Variants in TNRC6A observed in about 807,000 individuals in gnomAD.
TNRC6A encodes trinucleotide repeat-containing gene 6A protein.
TNRC6A carries 44 observed loss-of-function variants against 221.2 expected under a neutral mutation model. The observed-to-expected ratio is 0.20, with a 90% confidence interval of 0.16 to 0.26. The LOEUF is 0.26. Among genes scored for constraint, TNRC6A ranks in the 10% least tolerant of loss-of-function variants. TNRC6A has a pLI of 1.00. For missense variants in TNRC6A, 2,199 were observed against 2,404.4 expected (o/e 0.91, Z 1.79); for synonymous variants, 847 against 838.5 (o/e 1.01, Z -0.18).
At position 24,797,525 on chromosome 16, in the gene TNRC6A, G is replaced by A. The variant is rs150034813; in HGVS notation, c.3597G>A (p.Ala1199=). ...AAGGTGGAAACAAACAAGAAGAAGC[G>A]TGGATAAATCCATTTGTTAAACAGT... ...MMKGGNKQEE[A]WINPFVKQFS... Residue 1199 remains alanine, a synonymous_variant, in exon 10 of 25, where the codon GCG becomes GCA. Transcript: ENST00000395799. 3.7e-5 allele frequency: 59 copies of A among 1,611,438 alleles called. No homozygotes were observed. The highest frequency in any genetic ancestry group is 2.3e-4 in the African/African-American group (17 of 74,828).
chr16:24,658,751 A>G (rs1217975792), intron 2 of TNRC6A, among the ~76,000 whole-genome samples: 1 of 151,506 alleles, frequency 6.6e-6, no homozygotes, highest in East Asian at 1.9e-4. Flanking sequence ...TAACCAACTC[A>G]CCCCAAAGAG....
Position 24,793,544 on chromosome 16 carries a change from A to G in TNRC6A, c.3247A>G (p.Lys1083Glu). The G allele has an allele frequency of 1.3e-6, 2 of 1,570,014 alleles. No individual in the cohort carries two copies. Among genetic ancestry groups the G allele is most frequent in the Non-Finnish European group, 1.7e-6 (2 of 1,157,258 alleles). The change falls in exon 7 of 25, where the codon AAG (lysine) becomes GAG (glutamate). Residue 1083 changes from lysine (K) to glutamate (E), a missense_variant. Around this residue, in one of 8 missense-constraint regions of TNRC6A, gnomAD observed 1,405 missense variants for 1,400.2 expected, o/e 1.00. Coordinates refer to ENST00000395799, the MANE Select transcript of TNRC6A (RefSeq NM_014494.4). ...GGATAATGGTACTTCAGCATGGGGTAAGCCCATAGACAGTGGTCCCAGCTG... is the reference window on the plus strand; with the variant it reads ...GGATAATGGTACTTCAGCATGGGGTGAGCCCATAGACAGTGGTCCCAGCTG... ...TVDNGTSAWG[K>E]PIDSGPSWGE...
At chr16:24,692,041 G>A (rs187566536) in intron 2 of TNRC6A, among the ~76,000 whole-genome samples, 5 of 152,254 alleles carry the variant, frequency 3.3e-5, no homozygotes, top group Admixed American at 1.3e-4. Context: ...GGAGAGGAGC[G>A]AGGCAACACA....
intron 2 of TNRC6A, among the ~76,000 whole-genome samples, chr16:24,658,954 G>A (rs1006037666): frequency 1.3e-5 from 2 of 151,360 alleles, no homozygotes; most frequent in East Asian, 1.9e-4. Context: ...GACTATAGGC[G>A]TGCGCTACCA....
At chr16:24,776,886 A>G in intron 4 of TNRC6A, 47 bp from the exon 5 acceptor site, 2 of 1,569,606 alleles carry the variant, frequency 1.3e-6, no homozygotes, top group Non-Finnish European at 1.7e-6. Context: ...TTGGAGGTAC[A>G]CTTTACTGGC....
rs2058806631 is a variant in TNRC6A, at chr16:24,823,351, C to T, written c.5514-81C>T. On this transcript the variant is annotated intron_variant, in intron 24 of 24. Transcript: ENST00000395799. The surrounding 1 kb of genome is among the most constrained non-coding windows in gnomAD (Gnocchi z 4.3). The stretch of plus-strand genomic sequence containing the variant: ...CCTTCTGTGGCTTTTCTAGCAGAGA[C>T]AAGTTGCACCCTCACTTGTGAGTGA... 47 of 1,506,990 alleles carry T rather than the reference C, an allele frequency of 3.1e-5. No homozygotes were observed. The highest frequency in any genetic ancestry group is 4.1e-5 in the Non-Finnish European group (46 of 1,122,922). The allele number at this position is 1,506,990 out of a possible 1,614,324, so 93.4% of individuals were successfully genotyped here. A position where few individuals can be genotyped will look rare whatever the true frequency, so the allele number is the denominator to read the frequency against.
chr16:24,825,765 T>G lies in TNRC6A; in HGVS notation c.*1958T>G, dbSNP rs2058849961. 6.6e-6 allele frequency: 1 copy of G among 152,658 alleles called. No homozygotes were observed. Among genetic ancestry groups the G allele is most frequent in the Non-Finnish European group, 1.5e-5 (1 of 68,044 alleles). 9.5% of individuals were successfully genotyped at this position (152,658 alleles called of 1,614,324 possible). ...CCTCAGCAAGAAACCATGTGGAACA[T>G]GAAGCTTAATGACTTGACAGTGTAC... On this transcript the variant is annotated 3_prime_UTR_variant, in exon 25 of 25. Transcript: ENST00000395799.
chr16:24,670,462 G>A (rs2055273073), intron 2 of TNRC6A, among the ~76,000 whole-genome samples: 1 of 152,140 alleles, frequency 6.6e-6, no homozygotes. Flanking sequence ...AGGCTACGGG[G>A]CTGCTGTTTC....
In TNRC6A at chr16:24,823,862, T is replaced by C; in HGVS notation, c.*55T>C. On this transcript the variant is annotated 3_prime_UTR_variant, in exon 25 of 25. Transcript: ENST00000395799. This position sits in a 1 kb window ranked among gnomAD's most constrained non-coding sequence, Gnocchi z 4.3. ...CCTCAGACGCGAGGGAAAGGAGCACTAAGTGGGGCTCGCCGCCTGCAGCCA... is the reference window on the plus strand; with the variant it reads ...CCTCAGACGCGAGGGAAAGGAGCACCAAGTGGGGCTCGCCGCCTGCAGCCA... The C allele has an allele frequency of 7.3e-7, 1 of 1,367,758 alleles. No homozygotes were observed. The highest frequency in any genetic ancestry group is 3.0e-5 in the Admixed American group (1 of 33,642). The allele number at this position is 1,367,758 out of a possible 1,614,324, so 84.7% of individuals were successfully genotyped here.
chr16:24,726,974 G>C (rs1342759627), upstream of TNRC6A, among the ~76,000 whole-genome samples: 1 of 151,966 alleles, frequency 6.6e-6, no homozygotes, highest in Non-Finnish European at 1.5e-5. Context: ...AGCCCAGGAG[G>C]GCTCAGATGG....
rs1567530139 is a variant in TNRC6A, at chr16:24,823,657, T to C, written c.5739T>C (p.Leu1913=). ...TGTCGGGAACTAACTGTGGAGACCT[T>C]CACGGCACTTCACTCTGGGGGACCC... ...AGLSGTNCGD[L]HGTSLWGTPH... The change falls in exon 25 of 25, where the codon CTT becomes CTC. Residue 1913 remains leucine, a synonymous_variant. Coordinates refer to ENST00000395799, the MANE Select transcript of TNRC6A (RefSeq NM_014494.4). The surrounding 1 kb of genome is among the most constrained non-coding windows in gnomAD (Gnocchi z 4.3). 2 of 1,612,526 alleles carry C rather than the reference T, an allele frequency of 1.2e-6. No individual in the cohort carries two copies. The highest frequency in any genetic ancestry group is 4.5e-5 in the East Asian group (2 of 44,808).
rs150685500 is a variant in TNRC6A at position 24,752,019 on chromosome 16, G to A, written c.141+1206G>A. 2.6e-5 allele frequency among the ~76,000 whole-genome samples: 4 copies of A among 152,230 alleles called. No homozygotes were observed. In the East Asian group the frequency reaches 7.7e-4, roughly 29 times the overall value. ...CTTGGGGGAAAGGGAGGGAACCAAG[G>A]GTAGAACTCTGAAGAGTTGAACTAG... On this transcript the variant is annotated intron_variant, in intron 3 of 24. Coordinates refer to ENST00000395799, the MANE Select transcript of TNRC6A (RefSeq NM_014494.4).
At chr16:24,622,097 G>C (rs1900703022) in intron 1 of TNRC6A, among the ~76,000 whole-genome samples, 1 of 150,214 alleles carries the variant, frequency 6.7e-6, no homozygotes, top group African/African-American at 2.4e-5. Context: ...TGGCCAACCA[G>C]TGTTTTTTCC....
chr16:24,745,453 G>C (rs181646880), intron 2 of TNRC6A, among the ~76,000 whole-genome samples: 35 of 152,210 alleles, frequency 2.3e-4, no homozygotes, highest in Non-Finnish European at 4.6e-4. Flanking sequence ...ATCTGCATGG[G>C]AGAAAGTAGG....
intron 12 of TNRC6A, 57 bp downstream of exon 12, chr16:24,804,376 T>C (rs2058388008): frequency 6.5e-7 from 1 of 1,547,472 alleles, no homozygotes; most frequent in Non-Finnish European, 8.7e-7. Context: ...CATAGCGTAA[T>C]TTTCACACTA....
At chr16:24,697,615 G>C (rs369029451) in intron 2 of TNRC6A, among the ~76,000 whole-genome samples, 173 of 152,260 alleles carry the variant, frequency 1.1e-3, no homozygotes, top group African/African-American at 4.0e-3. Flanking sequence ...AGCCCAGGAG[G>C]TGAAGTTTGC....
chr16:24,798,919 G>A (rs1293198600), intron 11 of TNRC6A, among the ~76,000 whole-genome samples: 1 of 152,220 alleles, frequency 6.6e-6, no homozygotes, highest in Non-Finnish European at 1.5e-5. Flanking sequence ...GACATAGCAT[G>A]CCCAAGAAAG....
chr16:24,651,312 G>A (rs1902633964), intron 2 of TNRC6A, among the ~76,000 whole-genome samples: 1 of 151,896 alleles, frequency 6.6e-6, no homozygotes, highest in South Asian at 2.1e-4. Context: ...GCTGAGTCAG[G>A]CAGATCACCT....
At chr16:24,748,485 T>C (rs559546369) in intron 2 of TNRC6A, among the ~76,000 whole-genome samples, 20 of 152,258 alleles carry the variant, frequency 1.3e-4, no homozygotes, top group Admixed American at 1.3e-3. Flanking sequence ...TCTGTTATGT[T>C]ACTCCATTAG....
Sources: allele counts gnomAD v4.1 joint callset (sites outside exome capture counted in the v4.1 genomes callset), GRCh38; gene constraint gnomAD v4.1.1; regional missense constraint gnomAD v4.1.1; non-coding constraint Gnocchi (gnomAD v3.1); transcripts MANE v1.5; gene names NCBI Gene and HGNC (gene_info 2026-07-23, HGNC 2026-07-21).